Variants in NFIB observed in about 807,000 individuals in gnomAD.
NFIB encodes the protein nuclear factor I B.
Under a neutral mutation model 61.5 loss-of-function variants are expected in NFIB, and 11 were observed. The observed-to-expected ratio is 0.18, with a 90% CI of 0.11 to 0.30. NFIB has a LOEUF of 0.30. Among genes scored for constraint, NFIB ranks in the 10% least tolerant of loss-of-function variants. NFIB has a pLI of 1.00. For missense variants in NFIB, 471 were observed against 608.9 expected, an observed-to-expected ratio of 0.77 and a Z score of 2.38; for synonymous variants, 260 against 216.5, an observed-to-expected ratio of 1.20 and a Z score of -1.76.
the NFIB span, among the ~76,000 whole-genome samples, chr9:14,422,138 C>T: frequency 6.0e-4 from 91 of 152,270 alleles, no homozygotes; most frequent in Middle Eastern, 3.4e-3. Context: ...AGCCACCATG[C>T]TATGTAGGGT....
chr9:14,282,827 A>G (rs2058463470), intron 2 of NFIB, among the ~76,000 whole-genome samples: 1 of 152,178 alleles, frequency 6.6e-6, no homozygotes, highest in African/African-American at 2.4e-5. Flanking sequence ...CTGGGTTCAA[A>G]TACTTGTTCC....
the NFIB span, among the ~76,000 whole-genome samples, chr9:14,501,922 G>A: frequency 6.6e-6 from 1 of 152,170 alleles, no homozygotes; most frequent in Non-Finnish European, 1.5e-5. Flanking sequence ...GCAGGGCCCA[G>A]GGTCACCTGC....
intron 6 of NFIB, among the ~76,000 whole-genome samples, chr9:14,138,488 T>C (rs1012204159): frequency 2.6e-5 from 4 of 152,122 alleles, no homozygotes; most frequent in African/African-American, 9.7e-5. Flanking sequence ...ATGGATTATA[T>C]GTTAGATTAT....
At chr9:14,423,814 C>G in the NFIB span, among the ~76,000 whole-genome samples, 2 of 152,310 alleles carry the variant, frequency 1.3e-5, no homozygotes, top group Non-Finnish European at 2.9e-5. Context: ...TGCATTCTTT[C>G]TGATTGTGGG....
At chr9:14,155,361 T>C (rs1423694891) in intron 4 of NFIB, among the ~76,000 whole-genome samples, 3 of 152,180 alleles carry the variant, frequency 2.0e-5, no homozygotes, top group Non-Finnish European at 4.4e-5. Flanking sequence ...CCAACTACAA[T>C]CTGCAAAGTT....
At chr9:14,283,589 C>A (rs569688825) in intron 2 of NFIB, among the ~76,000 whole-genome samples, 1 of 152,356 alleles carries the variant, frequency 6.6e-6, no homozygotes, top group African/African-American at 2.4e-5. Flanking sequence ...CCTGATCATG[C>A]TCAGGGCTGC....
At chr9:14,127,004 G>A (rs2039739520) in intron 6 of NFIB, among the ~76,000 whole-genome samples, 1 of 152,172 alleles carries the variant, frequency 6.6e-6, no homozygotes, top group African/African-American at 2.4e-5. Context: ...CAAAGGTGCT[G>A]TGATAGGAAA....
At chr9:14,321,686 C>T (rs762661128) in intron 1 of NFIB, among the ~76,000 whole-genome samples, 3 of 152,202 alleles carry the variant, frequency 2.0e-5, no homozygotes, top group African/African-American at 7.2e-5. Flanking sequence ...ATGTTACTCA[C>T]TGATTCCCGT....
Position 14,087,274 on chromosome 9 carries a change from T to TG in NFIB, c.*1034dup, listed in dbSNP as rs1289471773. The TG allele has an allele frequency of 3.9e-5, 8 of 204,846 alleles. No individual in the cohort carries two copies. The highest frequency in any genetic ancestry group is 8.0e-5 in the Non-Finnish European group (8 of 99,856). 12.7% of individuals were successfully genotyped at this position (204,846 alleles called of 1,614,324 possible). A position where few individuals can be genotyped will look rare whatever the true frequency, so the allele number is the denominator to read the frequency against. ...TTTTATTTTTCTCAAGCACATGATTTGTCTTGATTTAATGCCTTTTTAATG... is the reference window on the plus strand; with the variant it reads ...TTTTATTTTTCTCAAGCACATGATTTGGTCTTGATTTAATGCCTTTTTAATG... On this transcript the variant is annotated 3_prime_UTR_variant, in exon 11 of 11. Transcript: ENST00000380953.
chr9:14,158,830 A>C (rs2043790584), intron 3 of NFIB, among the ~76,000 whole-genome samples: 1 of 152,246 alleles, frequency 6.6e-6, no homozygotes, highest in South Asian at 2.1e-4. Flanking sequence ...CTAATGTGTA[A>C]TGTCAAGCAT....
chr9:14,228,982 T>C (rs1221779202), intron 2 of NFIB, among the ~76,000 whole-genome samples: 1 of 151,840 alleles, frequency 6.6e-6, no homozygotes, highest in Non-Finnish European at 1.5e-5. Flanking sequence ...TAATCATTAT[T>C]ATATGTACCA....
At chr9:14,306,438 C>T (rs527721150) in intron 2 of NFIB, among the ~76,000 whole-genome samples, 8 of 152,194 alleles carry the variant, frequency 5.3e-5, no homozygotes, top group South Asian at 2.1e-4. Flanking sequence ...TCTAGGTCTA[C>T]GTAAGATATA....
chr9:14,204,613 G>A (rs772365075), intron 2 of NFIB: 25 of 796,336 alleles, frequency 3.1e-5, no homozygotes, highest in South Asian at 4.5e-5. Flanking sequence ...AGAAGAAAGC[G>A]CCGGCAAAGG....
At chr9:14,429,747 C>A in the NFIB span, among the ~76,000 whole-genome samples, 1 of 152,234 alleles carries the variant, frequency 6.6e-6, no homozygotes, top group Non-Finnish European at 1.5e-5. Flanking sequence ...CGCCGCCTCC[C>A]CACCACTGCT....
chr9:14,238,720 A>T (rs2054048823), intron 2 of NFIB, among the ~76,000 whole-genome samples: 1 of 152,132 alleles, frequency 6.6e-6, no homozygotes, highest in Non-Finnish European at 1.5e-5. Context: ...CTCATGACTC[A>T]GTGCTTTGGA....
intron 2 of NFIB, among the ~76,000 whole-genome samples, chr9:14,214,942 T>C (rs891042460): frequency 6.6e-6 from 1 of 152,184 alleles, no homozygotes; most frequent in Non-Finnish European, 1.5e-5. Flanking sequence ...TATGCTTCCA[T>C]GCCCATTAAG....
At position 14,392,054 on chromosome 9, in the gene NFIB, A is replaced by G. The variant is rs145928700; in HGVS notation, c.108+6470T>C. 5.3e-3 allele frequency among the ~76,000 whole-genome samples: 812 copies of G among 152,282 alleles called. 11 individuals are homozygous for G. The highest frequency in any genetic ancestry group is 0.018 in the African/African-American group (765 of 41,556). ...CAAAAACCCATCACCCGGTATAATC[A>G]TGAGAGAAATTAAATTAAGAAACAT... On this transcript the variant is annotated intron_variant, in intron 1 of 8. Transcript: ENST00000380934.
chr9:14,231,947 G>A (rs765875374), intron 2 of NFIB, among the ~76,000 whole-genome samples: 44 of 152,152 alleles, frequency 2.9e-4, no homozygotes, highest in Non-Finnish European at 5.6e-4. Context: ...AGGACTTAAA[G>A]GTTTTGAAAG....
At chr9:14,169,885 G>C (rs533798064) in intron 3 of NFIB, among the ~76,000 whole-genome samples, 1 of 152,150 alleles carries the variant, frequency 6.6e-6, no homozygotes, top group African/African-American at 2.4e-5. Flanking sequence ...ACCTAGATAC[G>C]CTTTCATAGT....
Sources: gnomAD v4.1 joint callset for allele counts (sites outside exome capture counted in the v4.1 genomes callset) on GRCh38, gnomAD v4.1.1 for gene constraint, MANE v1.5 for transcripts, NCBI Gene and HGNC (gene_info 2026-07-23, HGNC 2026-07-21) for gene names.